The following DOCK5 variants were observed in gnomAD, a reference collection of about 807,000 sequenced individuals.
DOCK5 encodes dedicator of cytokinesis 5.
Under a neutral mutation model 251.8 loss-of-function variants are expected in DOCK5, and 142 were observed. The observed-to-expected ratio is 0.56, with a 90% CI of 0.49 to 0.65. DOCK5 has a LOEUF of 0.65. Among genes scored for constraint, DOCK5 ranks in the 30% least tolerant of loss-of-function variants. The pLI, the probability that DOCK5 is intolerant of heterozygous loss-of-function variation, is 0.00. For missense variants in DOCK5, 2,111 were observed against 2,312.3 expected (o/e 0.91, Z 1.79); for synonymous variants, 842 against 835.5 (o/e 1.01, Z -0.13).
chr8:25,325,171 A>G (rs537149204), intron 17 of DOCK5, among the ~76,000 whole-genome samples, 193 bp from the exon 18 acceptor site: 1 of 152,290 alleles, frequency 6.6e-6, no homozygotes, highest in African/African-American at 2.4e-5. Context: ...TTCTGTTTCC[A>G]TTCAATCATG....
At chr8:25,381,681 A>G (rs984517694) in intron 39 of DOCK5, among the ~76,000 whole-genome samples, 3 of 152,118 alleles carry the variant, frequency 2.0e-5, no homozygotes, top group African/African-American at 7.2e-5. Flanking sequence ...TAGTAATGTA[A>G]CATGTTACAT....
chr8:25,217,010 A>G (rs1368890661), intron 1 of DOCK5, among the ~76,000 whole-genome samples: 1 of 135,662 alleles, frequency 7.4e-6, no homozygotes, highest in East Asian at 2.1e-4. Context: ...CAATATGTGT[A>G]TACAATATGT....
Position 25,310,551 on chromosome 8 carries a change from T to C in DOCK5, c.1318+19T>C. On this transcript the variant is annotated intron_variant, in intron 13 of 51. Coordinates refer to ENST00000276440, the MANE Select transcript of DOCK5 (RefSeq NM_024940.8). Reference sequence around the variant, plus strand: ...CTGCCAGGTAAGCACTTTGCATGGCTCACCTGTTTGCTTCCTCCTGTTCAG... The same window carrying C: ...CTGCCAGGTAAGCACTTTGCATGGCCCACCTGTTTGCTTCCTCCTGTTCAG... 1 of 1,591,906 alleles carries C rather than the reference T, an allele frequency of 6.3e-7. No homozygotes were observed. Among genetic ancestry groups the C allele is most frequent in the Non-Finnish European group, 8.6e-7 (1 of 1,169,238 alleles).
chr8:25,331,899 T>G (rs546793141), intron 18 of DOCK5, among the ~76,000 whole-genome samples: 7 of 151,542 alleles, frequency 4.6e-5, no homozygotes, highest in Non-Finnish European at 1.0e-4. Flanking sequence ...TAGGTAGTGA[T>G]AAGGGACAAT....
chr8:25,242,804 G>A (rs574208385), intron 1 of DOCK5, among the ~76,000 whole-genome samples: 4 of 152,198 alleles, frequency 2.6e-5, no homozygotes, highest in African/African-American at 4.8e-5. Flanking sequence ...GGTGCCCTGG[G>A]CTGGGGCCAG....
At chr8:25,407,839 G>C in intron 48 of DOCK5, 144 bp from the exon 49 acceptor site, 1 of 960,888 alleles carries the variant, frequency 1.0e-6, no homozygotes, top group East Asian at 2.7e-5. Context: ...ACTCCAGCCT[G>C]AATGATGGGA....
intron 28 of DOCK5, among the ~76,000 whole-genome samples, chr8:25,362,625 C>T (rs531587601): frequency 1.3e-5 from 2 of 151,988 alleles, no homozygotes; most frequent in East Asian, 3.9e-4. Flanking sequence ...CACCACCATG[C>T]CCGGCAAATT....
rs763006060 is a variant in DOCK5 at position 25,395,668 on chromosome 8, C to T, written c.4653C>T (p.Leu1551=). The part of the protein sequence containing the change: ...SLSVHPLSML[L]SGIVDPAVMG... ...CTGTGCACCCTCTCTCCATGCTGCT[C>T]AGTGGCATCGTGGACCCGGCCGTCA... The change falls in exon 45 of 52, where the codon CTC becomes CTT. Residue 1551 remains leucine (L), a synonymous_variant. Coordinates refer to ENST00000276440, the MANE Select transcript of DOCK5 (RefSeq NM_024940.8). 5.0e-6 allele frequency: 8 copies of T among 1,613,692 alleles called. No homozygotes were observed. The Admixed American group carries it at 5.0e-5, about 10-fold the overall frequency.
chr8:25,256,512 G>A, intron 2 of DOCK5, among the ~76,000 whole-genome samples: 1 of 151,874 alleles, frequency 6.6e-6, no homozygotes, highest in East Asian at 1.9e-4. Context: ...GGTGGAGTGT[G>A]CCTGTAATCC....
intron 1 of DOCK5, among the ~76,000 whole-genome samples, chr8:25,238,789 A>T (rs1054449814): frequency 3.3e-5 from 5 of 152,186 alleles, no homozygotes; most frequent in Non-Finnish European, 5.9e-5. Flanking sequence ...TAGAAGAGAT[A>T]AAAATATGTG....
At chr8:25,403,852 A>C (rs1801480139) in intron 48 of DOCK5, 128 bp downstream of exon 48, 1 of 975,614 alleles carries the variant, frequency 1.0e-6, no homozygotes, top group Admixed American at 2.9e-5. Flanking sequence ...CTCATGAGGA[A>C]TGTCATGATT....
In DOCK5 at chr8:25,319,605, G is replaced by T; in HGVS notation, c.1471G>T (p.Glu491Ter). ...EKAIHPGAGY[E>*]GISEYKSVVY... The stretch of plus-strand genomic sequence containing the variant: ...AGCAATTCACCCTGGTGCTGGATAT[G>T]AAGGCATTTCAGAATACAAATCAGT... Residue 491 changes from glutamate (E) to a stop codon, truncating the protein, a stop_gained, in exon 15 of 52, where the codon GAA (glutamate) becomes TAA (stop). Transcript: ENST00000276440. LOFTEE classifies it high-confidence loss of function. The T allele has an allele frequency of 6.3e-7, 1 of 1,588,058 alleles. No individual in the cohort carries two copies. Among genetic ancestry groups the T allele is most frequent in the Non-Finnish European group, 8.6e-7 (1 of 1,166,688 alleles).
intron 26 of DOCK5, among the ~76,000 whole-genome samples, chr8:25,347,864 A>G (rs540629715): frequency 5.3e-5 from 8 of 152,272 alleles, no homozygotes; most frequent in African/African-American, 1.4e-4. Context: ...CTATTGTTTA[A>G]TACATCACAT....
intron 13 of DOCK5, among the ~76,000 whole-genome samples, chr8:25,314,498 C>T (rs948075225): frequency 1.3e-5 from 2 of 152,092 alleles, no homozygotes; most frequent in African/African-American, 2.4e-5. Flanking sequence ...GCCTGAGGCA[C>T]CTCTCTTGTG....
intron 5 of DOCK5, 136 bp from the exon 6 acceptor site, chr8:25,291,888 A>AG (rs1435110623): frequency 8.4e-6 from 8 of 954,484 alleles, no homozygotes; most frequent in Non-Finnish European, 1.2e-5. Flanking sequence ...AAAAAAAAAA[A>AG]AGAATCGGCC....
At chr8:25,222,444 C>T (rs981298286) in intron 1 of DOCK5, among the ~76,000 whole-genome samples, 2 of 152,174 alleles carry the variant, frequency 1.3e-5, no homozygotes, top group South Asian at 4.2e-4. Flanking sequence ...TGAACCGGCC[C>T]CTGACTCAGA....
chr8:25,265,278 G>T (rs529670076), intron 2 of DOCK5, among the ~76,000 whole-genome samples: 1 of 151,950 alleles, frequency 6.6e-6, no homozygotes, highest in Non-Finnish European at 1.5e-5. Context: ...TGGGTCTCAC[G>T]GGTGCCCAGG....
chr8:25,378,161 T>C (rs909121883), intron 38 of DOCK5, among the ~76,000 whole-genome samples: 4 of 152,180 alleles, frequency 2.6e-5, no homozygotes, highest in Non-Finnish European at 5.9e-5. Context: ...AGCCCTAACC[T>C]TCTAGTCACA....
intron 14 of DOCK5, 60 bp from the exon 15 acceptor site, chr8:25,319,518 G>A: frequency 8.4e-7 from 1 of 1,193,400 alleles, no homozygotes; most frequent in Admixed American, 2.0e-5. Flanking sequence ...ATGGTATATG[G>A]GGTCCTCTTA....
Sources: allele counts gnomAD v4.1 joint callset (sites outside exome capture counted in the v4.1 genomes callset), GRCh38; gene constraint gnomAD v4.1.1; transcripts MANE v1.5; gene names NCBI Gene and HGNC (gene_info 2026-07-23, HGNC 2026-07-21).